The following IPO5 variants were observed in gnomAD, a reference collection of about 807,000 sequenced individuals.
IPO5 encodes the protein importin 5.
A neutral mutation model predicts 143.3 loss-of-function variants in IPO5; 18 were observed. The ratio of observed to expected loss-of-function variants is 0.13; its 90% CI spans 0.09 to 0.19. The LOEUF is 0.19. Ranked by LOEUF, IPO5 falls within the 10% of genes least tolerant of loss-of-function variation. IPO5 has a pLI of 1.00. For missense variants in IPO5, 1,013 were observed against 1,336.9 expected, an observed-to-expected ratio of 0.76 and a Z score of 3.78; for synonymous variants, 477 against 465.7, an observed-to-expected ratio of 1.02 and a Z score of -0.31.
At chr13:97,955,993 G>A (rs1413310498) in intron 2 of IPO5, among the ~76,000 whole-genome samples, 1 of 151,896 alleles carries the variant, frequency 6.6e-6, no homozygotes, top group African/African-American at 2.4e-5. Flanking sequence ...TTAGCCGGGC[G>A]TGGTGGCGGG....
In IPO5 at chr13:97,988,997, AT is replaced by A. The variant is rs1022635962; in HGVS notation, c.365-62del. On this transcript the variant is annotated intron_variant, in intron 6 of 28. Coordinates refer to ENST00000651721, the MANE Select transcript of IPO5 (RefSeq NM_002271.6). ...TGAATGAGGCTTATGAAATGAAAGG[AT>A]TTACTCCTAGTATATTGAAGTTCTG... 93 of 859,966 alleles carry A rather than the reference AT, an allele frequency of 1.1e-4. No homozygotes were observed. The African/African-American group carries it at 1.4e-3, about 13-fold the overall frequency. The allele number at this position is 859,966 out of a possible 1,614,324, so 53.3% of individuals were successfully genotyped here.
intron 3 of IPO5, among the ~76,000 whole-genome samples, chr13:97,972,723 G>A (rs1419864259): frequency 6.6e-6 from 1 of 152,188 alleles, no homozygotes; most frequent in Non-Finnish European, 1.5e-5. Context: ...CAAAGCAATG[G>A]CAGCGAATAC....
In IPO5 at chr13:97,954,534, T is replaced by TA. The variant is rs762643289; in HGVS notation, c.-113+337dup. Among the ~76,000 whole-genome samples, 7 of 152,316 alleles carry TA rather than the reference T, an allele frequency of 4.6e-5. No homozygotes were observed. The East Asian group carries it at 1.3e-3, about 29-fold the overall frequency. ...ATTCCCTCAGAGGCCGAGTATATTTTATCTTAGTTTTCAGAGATCACTAAA... is the reference window on the plus strand; with the variant it reads ...ATTCCCTCAGAGGCCGAGTATATTTTAATCTTAGTTTTCAGAGATCACTAAA... On this transcript the variant is annotated intron_variant, in intron 2 of 28. Coordinates refer to ENST00000651721, the MANE Select transcript of IPO5 (RefSeq NM_002271.6).
At chr13:97,964,491 A>G (rs908817264) in intron 2 of IPO5, among the ~76,000 whole-genome samples, 2 of 129,720 alleles carry the variant, frequency 1.5e-5, no homozygotes, top group Non-Finnish European at 3.1e-5. Context: ...TCTGTCACCC[A>G]GGCTGGAGTG....
Position 98,018,646 on chromosome 13 carries a change from A to G in IPO5, c.2778A>G (p.Ala926=), listed in dbSNP as rs545704384. The G allele has an allele frequency of 5.0e-6, 8 of 1,614,226 alleles. No homozygotes were observed. In the African/African-American group the frequency reaches 8.0e-5, roughly 16 times the overall value. The change falls in exon 26 of 29, where the codon GCA becomes GCG. Residue 926 remains alanine, a synonymous_variant. Transcript: ENST00000651721. ...GCCCAGAAGTCAGGCAAGCAGCTGC[A>G]TATGGCCTGGGAGTCATGGCACAGT... The part of the protein sequence containing the change: ...DNSPEVRQAA[A]YGLGVMAQYG...
At chr13:97,975,586 A>G (rs1254571329) in intron 3 of IPO5, 1 of 152,284 alleles carries the variant, frequency 6.6e-6, no homozygotes, top group African/African-American at 2.4e-5. Context: ...CCCAGGAGTT[A>G]AAGAACATCG....
At chr13:98,009,129 T>G (rs1889498953) in intron 18 of IPO5, among the ~76,000 whole-genome samples, 1 of 152,180 alleles carries the variant, frequency 6.6e-6, no homozygotes, top group Admixed American at 6.5e-5. Context: ...GCATATAGTT[T>G]AATGCCTGGC....
intron 2 of IPO5, among the ~76,000 whole-genome samples, chr13:97,958,408 A>G (rs935282021): frequency 3.3e-5 from 5 of 152,146 alleles, no homozygotes; most frequent in Non-Finnish European, 7.3e-5. Flanking sequence ...AAACCTGGGC[A>G]TTCTTGATCT....
intron 25 of IPO5, among the ~76,000 whole-genome samples, chr13:98,017,241 CAT>C (rs140562728): frequency 2.6e-4 from 39 of 147,970 alleles, no homozygotes; most frequent in Admixed American, 4.1e-4. Context: ...GGATAATGGG[CAT>C]ATATATATAT....
At chr13:98,000,105 A>G (rs1640049815) in intron 12 of IPO5, among the ~76,000 whole-genome samples, 1 of 152,236 alleles carries the variant, frequency 6.6e-6, no homozygotes, top group African/African-American at 2.4e-5. Context: ...TAACATGGTG[A>G]AACCCCGTCT....
chr13:98,019,434 A>G, intron 26 of IPO5, 147 bp from the exon 27 acceptor site: 1 of 640,684 alleles, frequency 1.6e-6, no homozygotes, highest in Non-Finnish European at 2.7e-6. Flanking sequence ...GCCATTCTGT[A>G]ATGACATAGC....
intron 3 of IPO5, among the ~76,000 whole-genome samples, chr13:97,970,168 TA>T (rs1270424976): frequency 1.3e-5 from 2 of 152,032 alleles, no homozygotes; most frequent in Admixed American, 1.3e-4. Flanking sequence ...TTTTAACAAG[TA>T]AAAAAAAGTG....
At chr13:98,013,996 T>G in intron 21 of IPO5, 46 bp from the exon 22 acceptor site, 5 of 1,559,794 alleles carry the variant, frequency 3.2e-6, no homozygotes, top group Admixed American at 1.9e-5. Flanking sequence ...CTTTAACATT[T>G]AAGCAAAATA....
chr13:97,983,827 C>G (rs1306085960), intron 5 of IPO5, among the ~76,000 whole-genome samples: 1 of 151,956 alleles, frequency 6.6e-6, no homozygotes, highest in Admixed American at 6.6e-5. Flanking sequence ...GTTCTCTCAA[C>G]CACTTTAAAA....
chr13:98,018,781 T>C (rs1890285623), intron 26 of IPO5, 77 bp downstream of exon 26: 1 of 1,024,610 alleles, frequency 9.8e-7, no homozygotes, highest in East Asian at 2.5e-5. Context: ...TTTACCACAC[T>C]CCCAAACATT....
At chr13:98,015,684 A>ATC (rs1361221100) in intron 23 of IPO5, 42 bp from the exon 24 acceptor site, 2 of 1,583,942 alleles carry the variant, frequency 1.3e-6, no homozygotes, top group Non-Finnish European at 1.7e-6. Context: ...ATCCTTGACC[A>ATC]TCTTGGCAAT....
Position 97,961,014 on chromosome 13 carries a change from A to G in IPO5, c.-113+6816A>G, listed in dbSNP as rs185844025. Among the ~76,000 whole-genome samples, 118 of 152,278 alleles carry G rather than the reference A, an allele frequency of 7.7e-4. 1 individual carries two copies. The highest frequency in any genetic ancestry group is 2.7e-3 in the African/African-American group (113 of 41,568). On this transcript the variant is annotated intron_variant, in intron 2 of 28. Coordinates refer to ENST00000651721, the MANE Select transcript of IPO5 (RefSeq NM_002271.6). ...CCACCCCATGCCCAGGCACATGGCA[A>G]GCACCAATCTACTGTCTATGGATGT...
At chr13:97,969,314 T>TG (rs547495392) in intron 2 of IPO5, among the ~76,000 whole-genome samples, 4,714 of 151,214 alleles carry the variant, frequency 0.031, 105 homozygotes, top group Admixed American at 0.043. Flanking sequence ...CCCGAGTAGC[T>TG]GGGACTACAG....
At chr13:98,020,320 C>T (rs1489178207) in intron 27 of IPO5, among the ~76,000 whole-genome samples, 4 of 152,200 alleles carry the variant, frequency 2.6e-5, no homozygotes, top group African/African-American at 9.7e-5. Context: ...AATTCAAGGG[C>T]TACAACCACT....
Sources: allele counts gnomAD v4.1 joint callset (sites outside exome capture counted in the v4.1 genomes callset), GRCh38; gene constraint gnomAD v4.1.1; transcripts MANE v1.5; gene names NCBI Gene and HGNC (gene_info 2026-07-23, HGNC 2026-07-21).